DLGAP2: variants seen among roughly 807,000 people sequenced by gnomAD.
DLGAP2 encodes disks large-associated protein 2.
DLGAP2 carries 26 observed loss-of-function variants against 100.3 expected under a neutral mutation model. The ratio of observed to expected loss-of-function variants is 0.26; its 90% CI spans 0.19 to 0.36. The LOEUF (loss-of-function observed/expected upper bound fraction) is 0.36, where lower values mean the gene tolerates loss of function less well. Among genes scored for constraint, DLGAP2 ranks in the 10% least tolerant of loss-of-function variants. The probability of loss-of-function intolerance (pLI) is 1.00; values close to 1 mark genes in which losing one functional copy is unlikely to be tolerated. For missense variants in DLGAP2, 1,858 were observed against 1,453.2 expected (o/e 1.28, Z -4.53); for synonymous variants, 886 against 630.1 (o/e 1.41, Z -6.08).
intron 3 of DLGAP2, among the ~76,000 whole-genome samples, chr8:1,487,602 C>T (rs1799262763): frequency 6.6e-6 from 1 of 152,178 alleles, no homozygotes; most frequent in South Asian, 2.1e-4. Flanking sequence ...CCGTCTAACC[C>T]AGATAACACG....
chr8:1,115,177 T>C (rs746900516), intron 2 of DLGAP2, among the ~76,000 whole-genome samples: 6 of 152,226 alleles, frequency 3.9e-5, no homozygotes, highest in African/African-American at 7.2e-5. Context: ...TGTTTTGGGG[T>C]AGAGTGTTCT....
At chr8:1,232,025 T>G (rs959319982) in intron 2 of DLGAP2, among the ~76,000 whole-genome samples, 2 of 152,186 alleles carry the variant, frequency 1.3e-5, no homozygotes, top group Non-Finnish European at 2.9e-5. Context: ...AAAGAAAAAT[T>G]GCTGTGGGAA....
intron 1 of DLGAP2, among the ~76,000 whole-genome samples, chr8:749,293 C>A (rs1209294914): frequency 6.6e-6 from 1 of 152,182 alleles, no homozygotes; most frequent in African/African-American, 2.4e-5. Flanking sequence ...ACCTGGCCTT[C>A]TTTTCTTTTA....
chr8:1,262,147 C>T (rs1799364005), intron 3 of DLGAP2, among the ~76,000 whole-genome samples: 1 of 152,226 alleles, frequency 6.6e-6, no homozygotes, highest in African/African-American at 2.4e-5. Flanking sequence ...ATGATAATAT[C>T]TGTCAAACAA....
rs537097304 is a variant in DLGAP2, at chr8:1,344,093, G to A, written c.106+85210G>A. Reference sequence around the variant, plus strand: ...AATGCCTGCAAATGTCGTACTCGGGGCCCTGTCGTGGGTCCATGTATTCGG... The same window carrying A: ...AATGCCTGCAAATGTCGTACTCGGGACCCTGTCGTGGGTCCATGTATTCGG... On this transcript the variant is annotated intron_variant, in intron 3 of 14. Transcript: ENST00000637795. Among the ~76,000 whole-genome samples the A allele has an allele frequency of 4.5e-4, 67 of 149,576 alleles. No individual in the cohort carries two copies. In the Middle Eastern group the frequency reaches 0.01, roughly 23 times the overall value.
Position 1,704,747 on chromosome 8 carries a change from A to G in DLGAP2, c.*3341A>G, listed in dbSNP as rs1373434378. ...TAAATGGTCAGATAAAAATATAATT[A>G]CCTGTAAGGTTATCTGGTTTTAAAA... On this transcript the variant is annotated 3_prime_UTR_variant, in exon 15 of 15. Transcript: ENST00000637795. 1 of 151,728 alleles carries G rather than the reference A, an allele frequency of 6.6e-6. No homozygotes were observed. The highest frequency in any genetic ancestry group is 1.5e-5 in the Non-Finnish European group (1 of 67,998). 9.4% of individuals were successfully genotyped at this position (151,728 alleles called of 1,614,324 possible).
chr8:1,626,538 G>C (rs76412321), intron 6 of DLGAP2, among the ~76,000 whole-genome samples: 1,416 of 130,630 alleles, frequency 0.011, no homozygotes, highest in African/African-American at 0.044. Flanking sequence ...CAGGTGCTCA[G>C]CCTCTGGGTG....
intron 3 of DLGAP2, among the ~76,000 whole-genome samples, chr8:1,370,270 A>C (rs1232965942): frequency 6.6e-6 from 1 of 152,022 alleles, no homozygotes; most frequent in African/African-American, 2.4e-5. Flanking sequence ...GGCTCTGACA[A>C]GTTCTCAGCA....
chr8:1,070,010 G>A (rs1803378375), intron 2 of DLGAP2, among the ~76,000 whole-genome samples: 1 of 152,228 alleles, frequency 6.6e-6, no homozygotes, highest in Admixed American at 6.5e-5. Context: ...CTTTGGAAAT[G>A]TTTTGTTCTT....
intron 5 of DLGAP2, among the ~76,000 whole-genome samples, chr8:1,563,117 C>T (rs1156967904): frequency 6.5e-5 from 4 of 61,558 alleles, no homozygotes; most frequent in African/African-American, 2.2e-4. Flanking sequence ...TTGGGGTGTC[C>T]GCGCCTCATT....
chr8:1,145,929 C>G (rs185177396), intron 2 of DLGAP2, among the ~76,000 whole-genome samples: 2 of 151,902 alleles, frequency 1.3e-5, no homozygotes, highest in African/African-American at 2.4e-5. Flanking sequence ...CATGTCCCTA[C>G]AAAGGACATG....
chr8:1,292,957 G>C (rs1800093955), intron 3 of DLGAP2, among the ~76,000 whole-genome samples: 1 of 152,144 alleles, frequency 6.6e-6, no homozygotes, highest in Non-Finnish European at 1.5e-5. Context: ...CCCTGGGCGT[G>C]TCCGTCTCCC....
chr8:1,366,744 C>A (rs1468559832), intron 3 of DLGAP2, among the ~76,000 whole-genome samples: 1 of 152,142 alleles, frequency 6.6e-6, no homozygotes, highest in Non-Finnish European at 1.5e-5. Context: ...GAGCAGGCAT[C>A]ATCCAGGAGG....
At chr8:955,027 T>G (rs1338088568) in intron 2 of DLGAP2, among the ~76,000 whole-genome samples, 1 of 152,132 alleles carries the variant, frequency 6.6e-6, no homozygotes, top group Admixed American at 6.5e-5. Context: ...GGTTTCATTT[T>G]CAGTACAGAA....
At chr8:1,409,794 TCTC>T (rs1176204052) in intron 3 of DLGAP2, among the ~76,000 whole-genome samples, 2 of 152,048 alleles carry the variant, frequency 1.3e-5, no homozygotes, top group East Asian at 1.9e-4. Flanking sequence ...ACCTTCATCT[TCTC>T]CTGCCCTCCA....
chr8:1,542,268 C>A (rs1801387504), intron 4 of DLGAP2, among the ~76,000 whole-genome samples: 1 of 152,162 alleles, frequency 6.6e-6, no homozygotes. Context: ...AGTCACACAC[C>A]ATAAAAGTCA....
chr8:1,593,174 G>A (rs935878815), intron 6 of DLGAP2, among the ~76,000 whole-genome samples: 1 of 152,222 alleles, frequency 6.6e-6, no homozygotes, highest in East Asian at 1.9e-4. Flanking sequence ...TAGACACTAG[G>A]CCTGGCGTGG....
intron 3 of DLGAP2, among the ~76,000 whole-genome samples, chr8:1,464,691 C>A (rs1204745061): frequency 6.6e-6 from 1 of 152,222 alleles, no homozygotes; most frequent in Non-Finnish European, 1.5e-5. Flanking sequence ...GCTGGAGACA[C>A]GTCCCTCACC....
chr8:1,452,035 C>T (rs898274152), intron 3 of DLGAP2, among the ~76,000 whole-genome samples: 14 of 152,270 alleles, frequency 9.2e-5, no homozygotes, highest in African/African-American at 2.7e-4. Context: ...CCATCCTGGG[C>T]AGCACACAAC....
Sources: gnomAD v4.1 joint callset for allele counts (sites outside exome capture counted in the v4.1 genomes callset) on GRCh38, gnomAD v4.1.1 for gene constraint, MANE v1.5 for transcripts, NCBI Gene and HGNC (gene_info 2026-07-23, HGNC 2026-07-21) for gene names.